TULP4: variants seen among roughly 807,000 people sequenced by gnomAD.
TULP4 encodes TUB like protein 4.
TULP4 carries 16 observed loss-of-function variants against 129.0 expected under a neutral mutation model. The ratio of observed to expected loss-of-function variants is 0.12; its 90% CI spans 0.08 to 0.19. The LOEUF (loss-of-function observed/expected upper bound fraction) is 0.19. Among genes scored for constraint, TULP4 ranks in the 10% least tolerant of loss-of-function variants. The pLI is 1.00. For missense variants in TULP4, 1,842 were observed against 2,059.1 expected, an observed-to-expected ratio of 0.89 and a Z score of 2.04; for synonymous variants, 998 against 854.0, an observed-to-expected ratio of 1.17 and a Z score of -2.94.
At chr6:158,388,564 C>G (rs550733269) in intron 1 of TULP4, among the ~76,000 whole-genome samples, 1 of 150,622 alleles carries the variant, frequency 6.6e-6, no homozygotes, top group East Asian at 1.9e-4. Flanking sequence ...CTCCTGACCT[C>G]GTGATCCACC....
At chr6:158,270,043 A>C (rs1303289160) in intron 1 of TULP4, among the ~76,000 whole-genome samples, 3 of 152,230 alleles carry the variant, frequency 2.0e-5, no homozygotes, top group African/African-American at 7.2e-5. Context: ...GTAAGTGTCA[A>C]ATGTACAGCA....
intron 1 of TULP4, among the ~76,000 whole-genome samples, chr6:158,338,292 A>G (rs1199446991): frequency 6.6e-6 from 1 of 152,180 alleles, no homozygotes; most frequent in East Asian, 1.9e-4. Flanking sequence ...AAGTGCTGGA[A>G]TTATAGATGT....
At chr6:158,397,728 C>T (rs2114969499) in intron 1 of TULP4, among the ~76,000 whole-genome samples, 1 of 152,322 alleles carries the variant, frequency 6.6e-6, no homozygotes, top group Non-Finnish European at 1.5e-5. Context: ...AGAGCCTCAG[C>T]CGGCCCACGT....
At chr6:158,505,591 C>T (rs1221657258) in intron 13 of TULP4, among the ~76,000 whole-genome samples, 4 of 152,358 alleles carry the variant, frequency 2.6e-5, no homozygotes, top group African/African-American at 7.2e-5. Context: ...AGAGCCCCGC[C>T]GCTGTGGAAC....
chr6:158,308,206 A>AC (rs1418562800), upstream of TULP4, among the ~76,000 whole-genome samples: 32 of 45,624 alleles, frequency 7.0e-4, no homozygotes, highest in African/African-American at 1.7e-3. Flanking sequence ...GATGACTCTT[A>AC]ACGAGCATGC....
At position 158,502,538 on chromosome 6, in the gene TULP4, C is replaced by G; in HGVS notation, c.2875C>G (p.Pro959Ala). The change falls in exon 13 of 14, where the codon CCC (proline) becomes GCC (alanine). Residue 959 changes from proline (P) to alanine (A), a missense_variant. Physicochemically the swap from Pro to Ala is conservative, Grantham distance 27 (BLOSUM62 -1). Coordinates refer to ENST00000367097, the MANE Select transcript of TULP4 (RefSeq NM_020245.5). ...PRYSIPTGDP[P>A]PYPEIASQLA... ...CTACTCCATCCCCACCGGGGACCCACCCCCGTATCCTGAAATTGCCAGCCA... is the reference window on the plus strand; with the variant it reads ...CTACTCCATCCCCACCGGGGACCCAGCCCCGTATCCTGAAATTGCCAGCCA... The G allele has an allele frequency of 6.2e-7, 1 of 1,609,914 alleles. No homozygotes were observed. Among genetic ancestry groups the G allele is most frequent in the South Asian group, 1.1e-5 (1 of 91,080 alleles).
chr6:158,459,385 G>T (rs551996755), intron 5 of TULP4, among the ~76,000 whole-genome samples: 28 of 151,934 alleles, frequency 1.8e-4, no homozygotes, highest in Middle Eastern at 6.8e-3. Context: ...AGCCGAGATC[G>T]CGCCATTGTA....
rs557678837 is a variant in TULP4 at position 158,427,471 on chromosome 6, C to CTTTTTTTTTTTTT, written c.382-2236_382-2224dup. ...AAATTCCTTTTCAAAATTATCAGAC[C>CTTTTTTTTTTTTT]TTTTTTTTTTTTTTTTTTTTTTTTT... On this transcript the variant is annotated intron_variant, in intron 2 of 13. Transcript: ENST00000367097. 9.8e-4 allele frequency among the ~76,000 whole-genome samples: 73 copies of CTTTTTTTTTTTTT among 74,136 alleles called. 12 individuals are homozygous for CTTTTTTTTTTTTT. Among genetic ancestry groups the CTTTTTTTTTTTTT allele is most frequent in the South Asian group, 1.8e-3 (3 of 1,642 alleles). 48.6% of individuals were successfully genotyped at this position (74,136 alleles called of 152,430 possible).
At chr6:158,407,741 A>G (rs1432122889) in intron 1 of TULP4, among the ~76,000 whole-genome samples, 1 of 152,226 alleles carries the variant, frequency 6.6e-6, no homozygotes, top group Non-Finnish European at 1.5e-5. Flanking sequence ...AAAAGAGAAC[A>G]TATCGTATGA....
intron 1 of TULP4, among the ~76,000 whole-genome samples, chr6:158,331,218 T>C (rs113944430): frequency 0.013 from 1,951 of 152,290 alleles, 45 homozygotes; most frequent in African/African-American, 0.045. Flanking sequence ...GAGCCAGTCT[T>C]TTCTATGATG....
rs531151545 is a variant in TULP4, at chr6:158,255,882, T to C, written n.68+23579T>C. On this transcript the variant is annotated intron_variant and non_coding_transcript_variant, in intron 1 of 1. Transcript: ENST00000620026. ...GAAGTACAGGGTATAAAGGCAGAAT[T>C]GATCTAGTCAGAAGGTCAGAGGTGG... is the stretch of plus-strand genomic sequence containing the variant. Among the ~76,000 whole-genome samples the C allele has an allele frequency of 1.5e-3, 223 of 152,348 alleles. 1 individual carries two copies. The highest frequency in any genetic ancestry group is 3.4e-3 in the Middle Eastern group (1 of 294).
chr6:158,353,845 T>A (rs1245438108), intron 1 of TULP4, among the ~76,000 whole-genome samples: 12 of 152,380 alleles, frequency 7.9e-5, no homozygotes, highest in Admixed American at 2.0e-4. Context: ...AAAAATATTT[T>A]AAATAGACTT....
intron 1 of TULP4, among the ~76,000 whole-genome samples, chr6:158,362,066 A>T (rs1267741121): frequency 6.6e-6 from 1 of 152,220 alleles, no homozygotes; most frequent in Non-Finnish European, 1.5e-5. Flanking sequence ...TTCTACACAG[A>T]AGTACCCATA....
chr6:158,436,518 C>G (rs1257921248), intron 3 of TULP4, among the ~76,000 whole-genome samples: 1 of 152,148 alleles, frequency 6.6e-6, no homozygotes, highest in African/African-American at 2.4e-5. Context: ...AGGAATCTCC[C>G]TATTTAAAGA....
At chr6:158,391,878 A>G (rs1425915548) in intron 1 of TULP4, among the ~76,000 whole-genome samples, 2 of 152,208 alleles carry the variant, frequency 1.3e-5, no homozygotes, top group East Asian at 3.8e-4. Flanking sequence ...AGGAAGCCAC[A>G]CCAGAGCTGG....
intron 13 of TULP4, among the ~76,000 whole-genome samples, chr6:158,504,598 T>C (rs543632503): frequency 6.6e-6 from 1 of 151,852 alleles, no homozygotes; most frequent in South Asian, 2.1e-4. Context: ...CCTCGTGATC[T>C]GCCCGCCTTG....
intron 1 of TULP4, among the ~76,000 whole-genome samples, chr6:158,248,744 A>G (rs1021356168): frequency 5.9e-5 from 9 of 151,430 alleles, no homozygotes; most frequent in Non-Finnish European, 8.8e-5. Flanking sequence ...CCAGTCTCCA[A>G]AATAAATAAA....
chr6:158,392,287 C>T (rs1368698816), intron 1 of TULP4, among the ~76,000 whole-genome samples: 3 of 152,084 alleles, frequency 2.0e-5, no homozygotes, highest in African/African-American at 7.3e-5. Flanking sequence ...CATGATTCTG[C>T]CCCCATGATT....
intron 1 of TULP4, among the ~76,000 whole-genome samples, chr6:158,245,357 T>C (rs1778009298): frequency 6.6e-6 from 1 of 152,056 alleles, no homozygotes; most frequent in Admixed American, 6.6e-5. Context: ...TAAAGTATCA[T>C]GTTATGATGA....
Sources: gnomAD v4.1 joint callset for allele counts (sites outside exome capture counted in the v4.1 genomes callset) on GRCh38, gnomAD v4.1.1 for gene constraint, MANE v1.5 for transcripts, NCBI Gene and HGNC (gene_info 2026-07-23, HGNC 2026-07-21) for gene names.